DNER: variants seen among roughly 807,000 people sequenced by gnomAD.
The protein encoded by DNER is delta/notch like EGF repeat containing, also known as delta and Notch-like epidermal growth factor-related receptor.
DNER carries 33 observed loss-of-function variants against 78.2 expected under a neutral mutation model. That is an observed-to-expected ratio of 0.42 (90% CI 0.32 to 0.56). DNER has a LOEUF of 0.56. DNER is among the 20% of genes least tolerant of loss of function. The probability of loss-of-function intolerance (pLI) is 0.11; values close to 1 mark genes in which losing one functional copy is unlikely to be tolerated. For synonymous variants in DNER, 417 were observed against 384.8 expected (o/e 1.08, Z -0.98); for missense variants, 918 against 975.3 (o/e 0.94, Z 0.78).
At position 229,475,681 on chromosome 2, in the gene DNER, C is replaced by A. The variant is rs192253579; in HGVS notation, c.1261+1459G>T. Among the ~76,000 whole-genome samples, 607 of 152,236 alleles carry A rather than the reference C, an allele frequency of 4.0e-3. 2 individuals are homozygous for A. Among genetic ancestry groups the A allele is most frequent in the Middle Eastern group, 6.8e-3 (2 of 294 alleles). Reference sequence around the variant, plus strand: ...TGCAAGCAAAATTCTGTTTTTAGTTCGAGGGCCATTGTTTATTACCAGTGT... The same window carrying A: ...TGCAAGCAAAATTCTGTTTTTAGTTAGAGGGCCATTGTTTATTACCAGTGT... On this transcript the variant is annotated intron_variant, in intron 7 of 12. Transcript: ENST00000341772.
intron 11 of DNER, among the ~76,000 whole-genome samples, chr2:229,373,261 T>C (rs1692527715): frequency 6.6e-6 from 1 of 151,954 alleles, no homozygotes; most frequent in South Asian, 2.1e-4. Flanking sequence ...AAAAACCAAA[T>C]AACCTCATTC....
chr2:229,548,850 C>CA (rs1164486136), intron 4 of DNER, among the ~76,000 whole-genome samples: 1 of 151,858 alleles, frequency 6.6e-6, no homozygotes, highest in East Asian at 1.9e-4. Context: ...TAAACAAGGG[C>CA]AAAATAATAA....
intron 5 of DNER, among the ~76,000 whole-genome samples, chr2:229,517,225 T>C (rs1193756159): frequency 1.3e-5 from 2 of 152,170 alleles, no homozygotes; most frequent in African/African-American, 4.8e-5. Flanking sequence ...AAGCATATAC[T>C]ATGTGCCAGG....
intron 7 of DNER, among the ~76,000 whole-genome samples, chr2:229,463,320 C>T: frequency 6.6e-6 from 1 of 150,736 alleles, no homozygotes; most frequent in Non-Finnish European, 1.5e-5. Context: ...AGCAAATTGA[C>T]AAATATGGAT....
At chr2:229,372,272 A>T (rs915042781) in intron 11 of DNER, among the ~76,000 whole-genome samples, 2 of 152,276 alleles carry the variant, frequency 1.3e-5, no homozygotes, top group African/African-American at 4.8e-5. Context: ...CAACTGTGCT[A>T]TGTCTACAAG....
chr2:229,594,112 A>T (rs922008682), intron 1 of DNER, among the ~76,000 whole-genome samples: 1 of 152,214 alleles, frequency 6.6e-6, no homozygotes, highest in African/African-American at 2.4e-5. Flanking sequence ...GCAGAAGTCC[A>T]CATTCCTTCA....
intron 4 of DNER, among the ~76,000 whole-genome samples, chr2:229,564,922 C>A (rs1273820612): frequency 6.6e-6 from 1 of 152,166 alleles, no homozygotes; most frequent in African/African-American, 2.4e-5. Context: ...CCGTTCCTGG[C>A]TCACAGATGG....
At chr2:229,594,952 T>TAAAAAAA (rs200824543) in intron 1 of DNER, among the ~76,000 whole-genome samples, 1 of 102,686 alleles carries the variant, frequency 9.7e-6, no homozygotes, top group African/African-American at 3.4e-5. Flanking sequence ...AAATGCTGTT[T>TAAAAAAA]AAAAAAAAAA....
At chr2:229,501,079 C>G (rs4972901) in intron 6 of DNER, among the ~76,000 whole-genome samples, 1 of 152,214 alleles carries the variant, frequency 6.6e-6, no homozygotes, top group East Asian at 1.9e-4. Flanking sequence ...TGATGACTCT[C>G]AAATAGGCAA....
chr2:229,545,440 C>T (rs538318615), intron 5 of DNER, among the ~76,000 whole-genome samples: 10 of 152,174 alleles, frequency 6.6e-5, no homozygotes, highest in Admixed American at 2.0e-4. Flanking sequence ...CTGGACACAG[C>T]GGCACATGCC....
rs1194197965 is a variant in DNER, at chr2:229,366,941, C to T, written c.2034G>A (p.Glu678=). The change falls in exon 12 of 13, where the codon GAG becomes GAA. Residue 678 remains glutamate (E), a synonymous_variant. Transcript: ENST00000341772. ...CGATGCTGCGGCAGTTGTAGAACTC[C>T]TCATAGGCTGGCCTGGAAGAACCCT... ...EYQGSSRPAY[E]EFYNCRSIDS... is the part of the protein sequence containing the mutation. The T allele has an allele frequency of 1.2e-6, 2 of 1,614,066 alleles. No homozygotes were observed. Among genetic ancestry groups the T allele is most frequent in the African/African-American group, 1.3e-5 (1 of 74,914 alleles).
intron 1 of DNER, among the ~76,000 whole-genome samples, chr2:229,611,632 C>T (rs1368714352): frequency 6.6e-6 from 1 of 152,174 alleles, no homozygotes. Flanking sequence ...ATGCAACTGA[C>T]ACAGCTCTGA....
chr2:229,420,319 A>T (rs1693738355), intron 8 of DNER, among the ~76,000 whole-genome samples: 1 of 152,156 alleles, frequency 6.6e-6, no homozygotes, highest in African/African-American at 2.4e-5. Flanking sequence ...AGAGTTTTGG[A>T]TATTAACCCC....
chr2:229,476,579 T>C (rs1038756491), intron 7 of DNER, among the ~76,000 whole-genome samples: 2 of 152,124 alleles, frequency 1.3e-5, no homozygotes, highest in African/African-American at 4.8e-5. Context: ...ATAACATCCC[T>C]GCAAGCAGAA....
At position 229,512,809 on chromosome 2, in the gene DNER, C is replaced by A; in HGVS notation, c.1121G>T (p.Ser374Ile). 6.2e-7 allele frequency: 1 copy of A among 1,614,114 alleles called. No individual in the cohort carries two copies. The highest frequency in any genetic ancestry group is 8.5e-7 in the Non-Finnish European group (1 of 1,179,976). ...CIDANEKQDG[S>I]NFTCVCLPGY... ...AGGAAGGCAAACACAGGTGAAATTG[C>A]TCCCATCTTGCTTTTCATTTGCATC... is the stretch of plus-strand genomic sequence containing the variant. The change falls in exon 6 of 13, where the codon AGC (serine) becomes ATC (isoleucine). Residue 374 changes from serine to isoleucine, a missense_variant. Ser to Ile is a moderately radical substitution (Grantham distance 142, BLOSUM62 -2). Transcript: ENST00000341772.
intron 8 of DNER, among the ~76,000 whole-genome samples, chr2:229,444,041 A>C (rs969709327): frequency 1.3e-5 from 2 of 152,214 alleles, no homozygotes; most frequent in African/African-American, 2.4e-5. Context: ...AAATGAAGGG[A>C]TCATGTTCAT....
intron 1 of DNER, among the ~76,000 whole-genome samples, chr2:229,652,877 CT>C (rs1274744637): frequency 2.6e-5 from 4 of 152,182 alleles, no homozygotes; most frequent in Non-Finnish European, 5.9e-5. Flanking sequence ...CTGTGAAAAG[CT>C]GTTCACATCC....
intron 5 of DNER, among the ~76,000 whole-genome samples, chr2:229,527,140 C>T (rs1342090364): frequency 6.6e-6 from 1 of 152,134 alleles, no homozygotes. Context: ...CTGTCGTTCA[C>T]GTCATCGCGT....
At chr2:229,524,853 A>G (rs148328704) in intron 5 of DNER, among the ~76,000 whole-genome samples, 30 of 152,338 alleles carry the variant, frequency 2.0e-4, no homozygotes, top group Non-Finnish European at 3.7e-4. Flanking sequence ...GCCGAGGTCA[A>G]TCCTGAGTGG....
Sources: allele counts gnomAD v4.1 joint callset (sites outside exome capture counted in the v4.1 genomes callset), GRCh38; gene constraint gnomAD v4.1.1; transcripts MANE v1.5; gene names NCBI Gene and HGNC (gene_info 2026-07-23, HGNC 2026-07-21).